Variants in ULK4 observed in about 807,000 individuals in gnomAD.
ULK4 encodes inactive serine/threonine-protein kinase ULK4.
Under a neutral mutation model 160.6 loss-of-function variants are expected in ULK4, and 133 were observed. The ratio of observed to expected loss-of-function variants is 0.83; its 90% CI spans 0.72 to 0.96. The LOEUF is 0.96. ULK4 is among the 40% of genes least tolerant of loss of function. The pLI is 0.00. For synonymous variants in ULK4, 534 were observed against 539.8 expected (o/e 0.99, Z 0.15); for missense variants, 1,580 against 1,499.5 (o/e 1.05, Z -0.89).
chr3:41,877,857 T>TGTAATCTCAGCTA, intron 17 of ULK4, among the ~76,000 whole-genome samples: 1 of 151,836 alleles, frequency 6.6e-6, no homozygotes, highest in Non-Finnish European at 1.5e-5. Flanking sequence ...GGTGCATGCC[T>TGTAATCTCAGCTA]GTAATCTCAG....
rs370220766 is a variant in ULK4 at position 41,717,846 on chromosome 3, G to A, written c.2337C>T (p.Ile779=). 57 of 1,613,810 alleles carry A rather than the reference G, an allele frequency of 3.5e-5. No homozygotes were observed. The African/African-American group carries it at 4.0e-4, about 11-fold the overall frequency. Residue 779 remains isoleucine, a synonymous_variant, in exon 23 of 37, where the codon ATC becomes ATT. Coordinates refer to ENST00000301831, the MANE Select transcript of ULK4 (RefSeq NM_017886.4). The stretch of plus-strand genomic sequence containing the variant: ...GAGTGGTCTTTCTGCTGTCTCTCTC[G>A]ATGTACATCACCAGTCTACATACAG... ...LSCQARLVMY[I]ERDSRKTTPG...
At chr3:41,563,838 C>T (rs901775842) in intron 32 of ULK4, among the ~76,000 whole-genome samples, 7 of 151,998 alleles carry the variant, frequency 4.6e-5, no homozygotes, top group Admixed American at 1.3e-4. Context: ...TTGTTATTAC[C>T]GACCTTTTGA....
chr3:41,486,508 T>C (rs369410166), intron 32 of ULK4, among the ~76,000 whole-genome samples: 8 of 152,256 alleles, frequency 5.3e-5, no homozygotes, highest in African/African-American at 1.7e-4. Context: ...GAGAGTTTTA[T>C]CACGAAAAGA....
At chr3:41,282,460 C>T (rs375133431) in intron 35 of ULK4, among the ~76,000 whole-genome samples, 4 of 152,072 alleles carry the variant, frequency 2.6e-5, no homozygotes, top group East Asian at 1.9e-4. Flanking sequence ...AGATATAGAC[C>T]AATGGAACAG....
chr3:41,397,448 C>A (rs964241463), intron 35 of ULK4, among the ~76,000 whole-genome samples: 3 of 152,090 alleles, frequency 2.0e-5, no homozygotes, highest in African/African-American at 4.8e-5. Context: ...GGCAAACAGC[C>A]ACCAAAAGCC....
intron 18 of ULK4, among the ~76,000 whole-genome samples, chr3:41,825,016 T>A (rs936601505): frequency 6.6e-6 from 1 of 152,214 alleles, no homozygotes; most frequent in Admixed American, 6.5e-5. Context: ...CAATATCCGC[T>A]GTTCTGCAGC....
chr3:41,539,473 C>T (rs1795321), intron 32 of ULK4, among the ~76,000 whole-genome samples: 77,672 of 151,880 alleles, frequency 0.51, 19,979 homozygotes, highest in Middle Eastern at 0.57. Flanking sequence ...TACTACTCTC[C>T]AACACTACTA....
At chr3:41,413,461 ACTT>A (rs1447204571) in intron 34 of ULK4, among the ~76,000 whole-genome samples, 1 of 152,228 alleles carries the variant, frequency 6.6e-6, no homozygotes, top group Non-Finnish European at 1.5e-5. Flanking sequence ...GATAAAACTG[ACTT>A]CATCTAAATT....
At chr3:41,820,663 T>A (rs1416938169) in intron 18 of ULK4, among the ~76,000 whole-genome samples, 1 of 152,140 alleles carries the variant, frequency 6.6e-6, no homozygotes, top group Non-Finnish European at 1.5e-5. Flanking sequence ...GCTGAAAAAC[T>A]GCATATTGAC....
intron 35 of ULK4, among the ~76,000 whole-genome samples, chr3:41,364,961 G>A (rs923329760): frequency 1.3e-5 from 2 of 152,196 alleles, no homozygotes; most frequent in Admixed American, 6.5e-5. Context: ...TGCAGGCAAG[G>A]GGTGGGGCCT....
rs1206281424 is a variant in ULK4 at position 41,697,574 on chromosome 3, C to T, written c.2781+7483G>A. On this transcript the variant is annotated intron_variant, in intron 27 of 36. Transcript: ENST00000301831. ...AAAGTAAAAATGTTACAGTAAGATA[C>T]AGAGAATTTAATACTGAAGAAAGAA... Among the ~76,000 whole-genome samples, 9 of 151,942 alleles carry T rather than the reference C, an allele frequency of 5.9e-5. No homozygotes were observed. In the South Asian group the frequency reaches 1.7e-3, roughly 28 times the overall value.
At chr3:41,369,633 A>G (rs1318279642) in intron 35 of ULK4, among the ~76,000 whole-genome samples, 1 of 151,892 alleles carries the variant, frequency 6.6e-6, no homozygotes, top group Admixed American at 6.6e-5. Flanking sequence ...TCTCTACTAA[A>G]AAAATACAAA....
rs112340994 is a variant in ULK4 at position 41,707,875 on chromosome 3, G to A, written c.2635-2570C>T. On this transcript the variant is annotated intron_variant, in intron 25 of 36. Coordinates refer to ENST00000301831, the MANE Select transcript of ULK4 (RefSeq NM_017886.4). ...TCAAAGGATTGAATAGACATTACTC[G>A]AAAGAAGATATACAAATGGTCAATA... 3.6e-3 allele frequency among the ~76,000 whole-genome samples: 543 copies of A among 151,314 alleles called. 5 individuals are homozygous for A. The highest frequency in any genetic ancestry group is 0.012 in the African/African-American group (498 of 41,270).
chr3:41,781,040 GA>G, intron 21 of ULK4, among the ~76,000 whole-genome samples: 1 of 151,736 alleles, frequency 6.6e-6, no homozygotes, highest in African/African-American at 2.4e-5. Context: ...TTTATAGATA[GA>G]AAAATATATA....
chr3:41,816,738 G>A (rs1340023210), intron 19 of ULK4, among the ~76,000 whole-genome samples: 4 of 152,170 alleles, frequency 2.6e-5, no homozygotes, highest in Non-Finnish European at 5.9e-5. Context: ...CTTGATCCCA[G>A]AGGCGGAGGT....
rs80168547 is a variant in ULK4, at chr3:41,798,060, T to C, written c.2010+2072A>G. ...CAAAATTTCAATGTAAAATTAATGA[T>C]TCAGATAAATGCTAAGAGCAAGTAA... On this transcript the variant is annotated intron_variant, in intron 20 of 36. Coordinates refer to ENST00000301831, the MANE Select transcript of ULK4 (RefSeq NM_017886.4). Among the ~76,000 whole-genome samples the C allele has an allele frequency of 2.4e-3, 368 of 152,090 alleles. 1 individual carries two copies. The highest frequency in any genetic ancestry group is 7.9e-3 in the African/African-American group (328 of 41,506).
Position 41,304,903 on chromosome 3 carries a change from G to A in ULK4, c.3679-55329C>T, listed in dbSNP as rs148963039. On this transcript the variant is annotated intron_variant, in intron 35 of 36. Coordinates refer to ENST00000301831, the MANE Select transcript of ULK4 (RefSeq NM_017886.4). ...TCTCCTGCATTTGGCCCAGCTGCAGGGTAGGAAGGAATAGTGAGAACGCAG... is the reference window on the plus strand; with the variant it reads ...TCTCCTGCATTTGGCCCAGCTGCAGAGTAGGAAGGAATAGTGAGAACGCAG... Among the ~76,000 whole-genome samples, 486 of 152,298 alleles carry A rather than the reference G, an allele frequency of 3.2e-3. 3 individuals are homozygous for A. The highest frequency in any genetic ancestry group is 0.011 in the African/African-American group (456 of 41,548).
intron 30 of ULK4, among the ~76,000 whole-genome samples, chr3:41,620,647 A>G (rs900217149): frequency 2.0e-5 from 3 of 152,180 alleles, no homozygotes; most frequent in Non-Finnish European, 4.4e-5. Context: ...TGACAAACCT[A>G]TAGCCAATAT....
At chr3:41,585,888 C>T (rs756455693) in intron 31 of ULK4, among the ~76,000 whole-genome samples, 1 of 152,020 alleles carries the variant, frequency 6.6e-6, no homozygotes. Flanking sequence ...ATACAAATTG[C>T]CAACAAGCAG....
Sources: allele counts gnomAD v4.1 joint callset (sites outside exome capture counted in the v4.1 genomes callset), GRCh38; gene constraint gnomAD v4.1.1; transcripts MANE v1.5; gene names NCBI Gene and HGNC (gene_info 2026-07-23, HGNC 2026-07-21).